The following SH3KBP1 variants were observed in gnomAD, a reference collection of about 807,000 sequenced individuals.
SH3KBP1 encodes the protein SH3 domain containing kinase binding protein 1, also known as SH3 domain-containing kinase-binding protein 1.
SH3KBP1 carries 8 observed loss-of-function variants against 50.1 expected under a neutral mutation model. That is an observed-to-expected ratio of 0.16 (90% CI 0.09 to 0.29). The LOEUF (loss-of-function observed/expected upper bound fraction) is 0.29, where lower values mean the gene tolerates loss of function less well. Among genes scored for constraint, SH3KBP1 ranks in the 10% least tolerant of loss-of-function variants. The pLI is 1.00. For synonymous variants in SH3KBP1, 227 were observed against 218.6 expected, an observed-to-expected ratio of 1.04 and a Z score of -0.34; for missense variants, 377 against 535.2, an observed-to-expected ratio of 0.70 and a Z score of 2.92.
intron 2 of SH3KBP1, among the ~76,000 whole-genome samples, chrX:19,792,079 G>A (rs7065543): frequency 0.13 from 14,022 of 110,642 alleles, 707 homozygotes; most frequent in African/African-American, 0.15. Context: ...TACTCACCAC[G>A]GTTTTGCATG....
intron 3 of SH3KBP1, among the ~76,000 whole-genome samples, chrX:19,743,128 C>A (rs2064819384): frequency 8.9e-6 from 1 of 111,980 alleles, no homozygotes; most frequent in Non-Finnish European, 1.9e-5. Context: ...GAAAAGCCAG[C>A]CAGTCACAGT....
intron 6 of SH3KBP1, among the ~76,000 whole-genome samples, chrX:19,659,010 C>T (rs1602876414): frequency 9.2e-6 from 1 of 108,750 alleles, no homozygotes; most frequent in South Asian, 4.1e-4. Context: ...GGCTGGAGTG[C>T]GGTGGTGCCA....
chrX:19,794,260 G>A (rs1335375574), intron 2 of SH3KBP1, among the ~76,000 whole-genome samples: 1 of 107,832 alleles, frequency 9.3e-6, no homozygotes, highest in Non-Finnish European at 1.9e-5. Context: ...AAATCAGCCA[G>A]GCATGGTGGT....
At chrX:19,675,483 C>T (rs2062904810) in intron 6 of SH3KBP1, among the ~76,000 whole-genome samples, 1 of 109,312 alleles carries the variant, frequency 9.1e-6, no homozygotes, top group Non-Finnish European at 1.9e-5. Context: ...CAGCTCATTG[C>T]AACCTCCACC....
chrX:19,801,567 G>A (rs2066892484), intron 2 of SH3KBP1, among the ~76,000 whole-genome samples: 1 of 111,716 alleles, frequency 9.0e-6, no homozygotes, highest in African/African-American at 3.3e-5. Context: ...AAAGAAAAAG[G>A]AGAAATTACA....
intron 3 of SH3KBP1, among the ~76,000 whole-genome samples, chrX:19,723,568 T>C (rs1414743055): frequency 9.0e-6 from 1 of 110,906 alleles, no homozygotes; most frequent in Non-Finnish European, 1.9e-5. Flanking sequence ...TTATGGTTCC[T>C]CCTAATATCT....
chrX:19,838,611 G>C (rs1378178677), intron 1 of SH3KBP1, among the ~76,000 whole-genome samples: 2 of 111,840 alleles, frequency 1.8e-5, no homozygotes, highest in Non-Finnish European at 3.8e-5. Context: ...AGAGCTGGCC[G>C]GGCACGGTGG....
rs376793230 is a variant in SH3KBP1, at chrX:19,872,766, A to G, written c.4+14541T>C. Among the ~76,000 whole-genome samples the G allele has an allele frequency of 3.7e-5, 4 of 108,126 alleles. No individual in the cohort carries two copies. The Admixed American group carries it at 4.0e-4, about 11-fold the overall frequency. The allele number at this position is 108,126 out of a possible 115,157, so 93.9% of individuals were successfully genotyped here. ...ACTCCAGCCTGGGCGACAGAGCAAG[A>G]CTGTCTCAAAAAAAAGAAGTATCAG... On this transcript the variant is annotated intron_variant, in intron 1 of 17. Coordinates refer to ENST00000397821, the MANE Select transcript of SH3KBP1 (RefSeq NM_031892.3).
chrX:19,536,457 A>G lies in SH3KBP1; in HGVS notation c.1958T>C (p.Met653Thr). 1 of 1,123,322 alleles carries G rather than the reference A, an allele frequency of 8.9e-7. No homozygotes were observed. The highest frequency in any genetic ancestry group is 1.2e-6 in the Non-Finnish European group (1 of 826,032). The allele number at this position is 1,123,322 out of a possible 1,213,427, so 92.6% of individuals were successfully genotyped here. ...EEKKIRLRLQ[M>T]EVNDIKKALQ... ...AGCTTTCTTTATGTCGTTCACTTCC[A>G]TCTAGAAAGAGAAAAATAAGAATGG... Residue 653 changes from methionine (M) to threonine (T), a missense_variant and splice_region_variant, in exon 18 of 18, where the codon ATG (methionine) becomes ACG (threonine). Transcript: ENST00000397821.
chrX:19,780,086 C>T (rs1317342268), intron 2 of SH3KBP1, among the ~76,000 whole-genome samples: 1 of 109,094 alleles, frequency 9.2e-6, no homozygotes, highest in Non-Finnish European at 1.9e-5. Flanking sequence ...TATTTCTCCA[C>T]ATCTTCTCCA....
At chrX:19,672,852 T>C (rs185929115) in intron 6 of SH3KBP1, among the ~76,000 whole-genome samples, 2 of 107,724 alleles carry the variant, frequency 1.9e-5, no homozygotes, top group African/African-American at 3.4e-5. Context: ...AGGTCAGGAG[T>C]TCAAGACCAG....
chrX:19,743,016 C>T (rs1425130988), intron 3 of SH3KBP1, among the ~76,000 whole-genome samples: 3 of 111,917 alleles, frequency 2.7e-5, no homozygotes, highest in Non-Finnish European at 5.6e-5. Context: ...GACACAAGTG[C>T]CCCTAAGGTT....
In SH3KBP1 at chrX:19,703,696, C is replaced by CTGTGTGTG. The variant is rs56915755; in HGVS notation, c.390+3177_390+3184dup. Among the ~76,000 whole-genome samples the CTGTGTGTG allele has an allele frequency of 2.8e-3, 176 of 63,495 alleles. 3 individuals are homozygous for CTGTGTGTG. Among genetic ancestry groups the CTGTGTGTG allele is most frequent in the East Asian group, 9.6e-3 (17 of 1,767 alleles). 55.1% of individuals were successfully genotyped at this position (63,495 alleles called of 115,157 possible). Reference sequence around the variant, plus strand: ...TTATCTGTCAGGGCAAAAAGAGAAACTGTGTGTGTGTGTGTGTGTGTGTGT... The same window carrying CTGTGTGTG: ...TTATCTGTCAGGGCAAAAAGAGAAACTGTGTGTGTGTGTGTGTGTGTGTGTGTGTGTGT... On this transcript the variant is annotated intron_variant, in intron 4 of 17. Transcript: ENST00000397821.
chrX:19,727,714 G>A (rs377424287), intron 3 of SH3KBP1, among the ~76,000 whole-genome samples: 5 of 112,431 alleles, frequency 4.4e-5, no homozygotes, highest in African/African-American at 1.6e-4. Flanking sequence ...GGCCGGGCGT[G>A]GTGGCTCATG....
chrX:19,578,085 T>C (rs1016055971), intron 12 of SH3KBP1, among the ~76,000 whole-genome samples: 1 of 112,359 alleles, frequency 8.9e-6, no homozygotes, highest in East Asian at 2.8e-4. Flanking sequence ...GAACAGATGA[T>C]AATGGATGTC....
At chrX:19,647,942 C>G (rs2062025677) in intron 6 of SH3KBP1, 1 of 346,718 alleles carries the variant, frequency 2.9e-6, no homozygotes. Flanking sequence ...AACCACTGAC[C>G]TAGATGTGGG....
chrX:19,544,969 A>G (rs2065044746), intron 15 of SH3KBP1, among the ~76,000 whole-genome samples: 1 of 112,547 alleles, frequency 8.9e-6, no homozygotes, highest in Non-Finnish European at 1.9e-5. Flanking sequence ...GTCTAAATCC[A>G]ACTTCTGCAG....
chrX:19,545,893 G>T (rs1374639035), intron 15 of SH3KBP1, 29 bp downstream of exon 15: 2 of 1,206,596 alleles, frequency 1.7e-6, no homozygotes, highest in South Asian at 3.5e-5. Flanking sequence ...GAAATGACAG[G>T]GACACCCTCG....
chrX:19,668,801 G>A lies in SH3KBP1; in HGVS notation c.726+15022C>T, dbSNP rs778509650. Among the ~76,000 whole-genome samples, 3 of 86,837 alleles carry A rather than the reference G, an allele frequency of 3.5e-5. No individual in the cohort carries two copies. The East Asian group carries it at 1.2e-3, about 35-fold the overall frequency. The allele number at this position is 86,837 out of a possible 115,157, so 75.4% of individuals were successfully genotyped here. A position where few individuals can be genotyped will look rare whatever the true frequency, so the allele number is the denominator to read the frequency against. On this transcript the variant is annotated intron_variant, in intron 6 of 17. Transcript: ENST00000397821. ...GGAGGCAGAGGTTGCAGTGAGCCAA[G>A]ATTACGTCACTGCACTCCAGCCAGC...
Sources: gnomAD v4.1 joint callset for allele counts (sites outside exome capture counted in the v4.1 genomes callset) on GRCh38, gnomAD v4.1.1 for gene constraint, MANE v1.5 for transcripts, NCBI Gene and HGNC (gene_info 2026-07-23, HGNC 2026-07-21) for gene names.